Variants in PHC2 observed in about 807,000 individuals in gnomAD.
PHC2 encodes polyhomeotic homolog 2.
A neutral mutation model predicts 87.4 loss-of-function variants in PHC2; 29 were observed. The observed-to-expected ratio is 0.33, with a 90% CI of 0.25 to 0.45. The LOEUF (loss-of-function observed/expected upper bound fraction) is 0.45. Ranked by LOEUF, PHC2 falls within the 20% of genes least tolerant of loss-of-function variation. The probability of loss-of-function intolerance (pLI) is 1.00; values close to 1 mark genes in which losing one functional copy is unlikely to be tolerated. For synonymous variants in PHC2, 438 were observed against 461.7 expected (o/e 0.95, Z 0.66); for missense variants, 857 against 1,136.7 (o/e 0.75, Z 3.54).
intron 7 of PHC2, chr1:33,363,963 A>G (rs2148310593): frequency 1.1e-6 from 1 of 932,208 alleles, no homozygotes; most frequent in East Asian, 1.2e-4. Context: ...CCAAAGCCCA[A>G]CCTCTTAGGC....
In PHC2 at chr1:33,354,489, T is replaced by C. The variant is rs377746257; in HGVS notation, c.1470A>G (p.Pro490=). 9.3e-6 allele frequency: 15 copies of C among 1,614,046 alleles called. No homozygotes were observed. Among genetic ancestry groups the C allele is most frequent in the Middle Eastern group, 1.6e-4 (1 of 6,074 alleles). The change falls in exon 9 of 15, where the codon CCA becomes CCG. Residue 490 remains proline (P), a synonymous_variant. Coordinates refer to ENST00000683057, the MANE Select transcript of PHC2 (RefSeq NM_001385109.1). ...TGACAATAGCCTGCTGATGTGGTGA[T>C]GGGCCAGACCGCGTCTCAGGCACAC... is the stretch of plus-strand genomic sequence containing the variant. ...EKSVPETRSG[P]SPHQQAIVTA... is the part of the protein sequence containing the mutation.
At chr1:33,413,966 T>C (rs1318652639) in intron 1 of PHC2, among the ~76,000 whole-genome samples, 1 of 152,186 alleles carries the variant, frequency 6.6e-6, no homozygotes, top group Non-Finnish European at 1.5e-5. Flanking sequence ...TAATACAGCA[T>C]GGCATTGTGA....
At chr1:33,343,468 C>CAAAAAAA (rs71006394) in intron 9 of PHC2, among the ~76,000 whole-genome samples, 1 of 59,838 alleles carries the variant, frequency 1.7e-5, no homozygotes, top group Non-Finnish European at 2.9e-5. Context: ...GACTCTGTCT[C>CAAAAAAA]AAAAAAAAAA....
chr1:33,370,063 C>CA (rs1647726853), intron 5 of PHC2, among the ~76,000 whole-genome samples: 1 of 152,114 alleles, frequency 6.6e-6, no homozygotes, highest in Non-Finnish European at 1.5e-5. Context: ...CCATTTCTGT[C>CA]AAGTATATGG....
intron 9 of PHC2, among the ~76,000 whole-genome samples, chr1:33,344,435 A>G: frequency 6.6e-6 from 1 of 152,148 alleles, no homozygotes; most frequent in Non-Finnish European, 1.5e-5. Context: ...CATACTACAT[A>G]CCTTGCAAAT....
intron 1 of PHC2, among the ~76,000 whole-genome samples, chr1:33,423,925 C>T (rs1376324673): frequency 6.6e-6 from 1 of 152,050 alleles, no homozygotes; most frequent in Non-Finnish European, 1.5e-5. Context: ...GGTGAAACCA[C>T]ATCTCTACCA....
intron 9 of PHC2, among the ~76,000 whole-genome samples, chr1:33,352,925 TCGTGAG>T: frequency 6.6e-6 from 1 of 152,290 alleles, no homozygotes; most frequent in East Asian, 1.9e-4. Context: ...CCTAGGGCTG[TCGTGAG>T]TGAGTAAAGG....
At chr1:33,355,626 T>A (rs957861368) in intron 7 of PHC2, among the ~76,000 whole-genome samples, 5 of 152,252 alleles carry the variant, frequency 3.3e-5, no homozygotes, top group African/African-American at 1.2e-4. Flanking sequence ...CTTCACCTGC[T>A]GTTCTCTGTG....
At chr1:33,426,796 C>T (rs1325101787) in intron 1 of PHC2, among the ~76,000 whole-genome samples, 1 of 152,156 alleles carries the variant, frequency 6.6e-6, no homozygotes, top group East Asian at 1.9e-4. Context: ...AAAATGCTTT[C>T]CTACCTTCAG....
intron 4 of PHC2, 42 bp downstream of exon 4, chr1:33,370,975 C>T (rs754749052): frequency 6.4e-7 from 1 of 1,551,800 alleles, no homozygotes; most frequent in South Asian, 1.1e-5. Flanking sequence ...CATTTTGGTC[C>T]TGGGGCTGTG....
chr1:33,352,746 A>G (rs776917475), intron 9 of PHC2, among the ~76,000 whole-genome samples: 1 of 152,184 alleles, frequency 6.6e-6, no homozygotes, highest in Non-Finnish European at 1.5e-5. Flanking sequence ...TCATTCCTAT[A>G]GGGTGGGAGA....
At chr1:33,333,037 T>C (rs1646538043) in intron 10 of PHC2, among the ~76,000 whole-genome samples, 1 of 152,160 alleles carries the variant, frequency 6.6e-6, no homozygotes, top group Non-Finnish European at 1.5e-5. Flanking sequence ...TCTAGGGCAA[T>C]GCTGGGGGTG....
intron 7 of PHC2, among the ~76,000 whole-genome samples, chr1:33,359,781 A>C (rs2148298799): frequency 6.6e-6 from 1 of 152,356 alleles, no homozygotes; most frequent in East Asian, 1.9e-4. Flanking sequence ...AGAGTTAGGA[A>C]GATGACAAAA....
At position 33,332,527 on chromosome 1, in the gene PHC2, C is replaced by G. The variant is rs1377344406; in HGVS notation, c.1762-123G>C. ...CAGAGGCCAGCCCTCCTCAAACCTT[C>G]CCCCATGTCATCATCCAAGTGTGCT... On this transcript the variant is annotated intron_variant, in intron 10 of 14. Transcript: ENST00000683057. The surrounding 1 kb of genome is among the most constrained non-coding windows in gnomAD (Gnocchi z 4.2). 1 of 1,151,192 alleles carries G rather than the reference C, an allele frequency of 8.7e-7. No individual in the cohort carries two copies. The allele number at this position is 1,151,192 out of a possible 1,614,324, so 71.3% of individuals were successfully genotyped here.
At chr1:33,370,670 T>A (rs1355806029) in intron 4 of PHC2, 85 bp from the exon 5 acceptor site, 6 of 1,342,540 alleles carry the variant, frequency 4.5e-6, no homozygotes, top group Non-Finnish European at 6.2e-6. Flanking sequence ...CTCCCCCCTC[T>A]TTTGCTCCTT....
At chr1:33,418,265 A>T (rs919742551) in intron 1 of PHC2, among the ~76,000 whole-genome samples, 2 of 152,116 alleles carry the variant, frequency 1.3e-5, no homozygotes, top group African/African-American at 4.8e-5. Flanking sequence ...CTAGAGAGAA[A>T]ATTGATGAAA....
chr1:33,410,259 T>C (rs1367929921), intron 1 of PHC2, among the ~76,000 whole-genome samples: 2 of 152,208 alleles, frequency 1.3e-5, no homozygotes, highest in African/African-American at 4.8e-5. Context: ...ATCATCTCTT[T>C]CCTCAGCTGG....
In PHC2 at chr1:33,391,427, G is replaced by A. The variant is rs138573265; in HGVS notation, c.-54-15834C>T. On this transcript the variant is annotated intron_variant, in intron 1 of 14. Coordinates refer to ENST00000683057, the MANE Select transcript of PHC2 (RefSeq NM_001385109.1). Reference sequence around the variant, plus strand: ...AGAAAGGGGATTTGAGCCACTGTACGTTAGTGATGGCTTTTTTCTTTCGGG... The same window carrying A: ...AGAAAGGGGATTTGAGCCACTGTACATTAGTGATGGCTTTTTTCTTTCGGG... 6.4e-3 allele frequency among the ~76,000 whole-genome samples: 976 copies of A among 152,326 alleles called. 8 individuals carry two copies. The highest frequency in any genetic ancestry group is 0.022 in the African/African-American group (927 of 41,560).
intron 9 of PHC2, among the ~76,000 whole-genome samples, chr1:33,337,583 G>GT (rs1646666813): frequency 6.6e-6 from 1 of 152,172 alleles, no homozygotes; most frequent in African/African-American, 2.4e-5. Flanking sequence ...CTACCTTAGA[G>GT]TGCTGCTGTG....
Sources: allele counts gnomAD v4.1 joint callset (sites outside exome capture counted in the v4.1 genomes callset), GRCh38; gene constraint gnomAD v4.1.1; non-coding constraint Gnocchi (gnomAD v3.1); transcripts MANE v1.5; gene names NCBI Gene and HGNC (gene_info 2026-07-23, HGNC 2026-07-21).